The following IGF1R variants were observed in gnomAD, a reference collection of about 807,000 sequenced individuals.
IGF1R encodes the protein insulin-like growth factor 1 receptor.
Under a neutral mutation model 144.6 loss-of-function variants are expected in IGF1R, and 44 were observed. That is an observed-to-expected ratio of 0.30 (90% confidence interval 0.24 to 0.39). The LOEUF is 0.39. IGF1R is among the 10% of genes least tolerant of loss of function. IGF1R has a pLI of 1.00. For missense variants in IGF1R, 1,355 were observed against 1,833.7 expected (o/e 0.74, Z 4.77); for synonymous variants, 795 against 722.8 (o/e 1.10, Z -1.60).
At position 98,934,908 on chromosome 15, in the gene IGF1R, A is replaced by G. The variant is rs202164991; in HGVS notation, c.3041A>G (p.Tyr1014Cys). The part of the protein sequence containing the change: ...ELGQGSFGMV[Y>C]EGVAKGVVKD... Reference sequence around the variant, plus strand: ...GGGCAGGGGTCGTTTGGGATGGTCTATGAAGGAGTTGCCAAGGGTGTGGTG... The same window carrying G: ...GGGCAGGGGTCGTTTGGGATGGTCTGTGAAGGAGTTGCCAAGGGTGTGGTG... The change falls in exon 16 of 21, where the codon TAT becomes TGT. Residue 1014 changes from tyrosine (Y) to cysteine (C), a missense_variant. By Grantham distance (194) the Tyr-to-Cys change is radical (BLOSUM62 -2). Coordinates refer to ENST00000650285, the MANE Select transcript of IGF1R (RefSeq NM_000875.5). The G allele has an allele frequency of 1.3e-5, 21 of 1,614,042 alleles. No homozygotes were observed. Among genetic ancestry groups the G allele is most frequent in the African/African-American group, 4.0e-5 (3 of 74,916 alleles).
chr15:98,838,716 T>G (rs2011127872), intron 2 of IGF1R, among the ~76,000 whole-genome samples: 1 of 152,116 alleles, frequency 6.6e-6, no homozygotes, highest in African/African-American at 2.4e-5. Flanking sequence ...CTTTAGAGCC[T>G]CAGAAATGGA....
chr15:98,858,519 TCC>T (rs1301006691), intron 2 of IGF1R, among the ~76,000 whole-genome samples: 2 of 152,156 alleles, frequency 1.3e-5, no homozygotes, highest in African/African-American at 4.8e-5. Flanking sequence ...ATCCTCCCTC[TCC>T]CCTCTTGAAA....
chr15:98,693,605 C>A (rs1028777639), intron 1 of IGF1R, among the ~76,000 whole-genome samples: 4 of 152,132 alleles, frequency 2.6e-5, no homozygotes, highest in Admixed American at 2.6e-4. Flanking sequence ...CGAATGACCT[C>A]CTGTTTTGTT....
intron 2 of IGF1R, among the ~76,000 whole-genome samples, chr15:98,789,898 GTC>G (rs140307309): frequency 0.03 from 4,550 of 152,176 alleles, 214 homozygotes; most frequent in African/African-American, 0.1. Flanking sequence ...ATAAAAGCAA[GTC>G]TCTGCCCTGA....
At position 98,650,955 on chromosome 15, in the gene IGF1R, G is replaced by C. The variant is rs546381676; in HGVS notation, c.94+1280G>C. 26 of 985,092 alleles carry C rather than the reference G, an allele frequency of 2.6e-5. No individual in the cohort carries two copies. The African/African-American group carries it at 2.8e-4, about 11-fold the overall frequency. 61.0% of individuals were successfully genotyped at this position (985,092 alleles called of 1,614,324 possible). On this transcript the variant is annotated intron_variant, in intron 1 of 20. Coordinates refer to ENST00000650285, the MANE Select transcript of IGF1R (RefSeq NM_000875.5). ...CGGTGTCTACGGCCGGAGGAGGTGG[G>C]GGTTTTATTCTTCTGAAAAAGTTGA...
Position 98,891,057 on chromosome 15 carries a change from A to G in IGF1R, c.641-268A>G, listed in dbSNP as rs1748937661. Among the ~76,000 whole-genome samples the G allele has an allele frequency of 6.6e-6, 1 of 152,220 alleles. No individual in the cohort carries two copies. Among genetic ancestry groups the G allele is most frequent in the Non-Finnish European group, 1.5e-5 (1 of 68,020 alleles). On this transcript the variant is annotated intron_variant, in intron 2 of 20. Coordinates refer to ENST00000650285, the MANE Select transcript of IGF1R (RefSeq NM_000875.5). The surrounding 1 kb of genome is among the most constrained non-coding windows in gnomAD (Gnocchi z 4.7). ...ACAGATGGGAAGAGAGAGGATCAAG[A>G]TCACAGAAGCTAATGGTTTGTCCCA...
At chr15:98,794,716 A>T (rs1159012981) in intron 2 of IGF1R, among the ~76,000 whole-genome samples, 1 of 152,206 alleles carries the variant, frequency 6.6e-6, no homozygotes, top group Non-Finnish European at 1.5e-5. Flanking sequence ...ATCAGTAATG[A>T]GTTTCAAAAT....
At chr15:98,806,461 T>A (rs1317838658) in intron 2 of IGF1R, among the ~76,000 whole-genome samples, 1 of 151,792 alleles carries the variant, frequency 6.6e-6, no homozygotes, top group African/African-American at 2.4e-5. Context: ...GTGCCTTCAC[T>A]CCCATCCTTT....
chr15:98,714,030 G>C (rs1251367224), intron 2 of IGF1R, among the ~76,000 whole-genome samples: 1 of 152,132 alleles, frequency 6.6e-6, no homozygotes, highest in Non-Finnish European at 1.5e-5. Flanking sequence ...ATTTCCTATT[G>C]CCCTCAAAAT....
chr15:98,948,506 G>T, intron 19 of IGF1R, 68 bp from the exon 20 acceptor site: 1 of 1,526,766 alleles, frequency 6.5e-7, no homozygotes. Context: ...AGAAGTGCTG[G>T]AAAGGAGGGG....
intron 2 of IGF1R, among the ~76,000 whole-genome samples, chr15:98,766,584 A>G (rs549678954): frequency 6.6e-6 from 1 of 152,204 alleles, no homozygotes; most frequent in Non-Finnish European, 1.5e-5. Context: ...GGATTGGATA[A>G]TGTATTTATT....
In IGF1R at chr15:98,960,024, C is replaced by G. The variant is rs562113706; in HGVS notation, c.*2582C>G. 8 of 233,136 alleles carry G rather than the reference C, an allele frequency of 3.4e-5. No individual in the cohort carries two copies. The highest frequency in any genetic ancestry group is 1.8e-4 in the South Asian group (1 of 5,498). The allele number at this position is 233,136 out of a possible 1,614,324, so 14.4% of individuals were successfully genotyped here. On this transcript the variant is annotated 3_prime_UTR_variant, in exon 21 of 21. Coordinates refer to ENST00000650285, the MANE Select transcript of IGF1R (RefSeq NM_000875.5). ...TGTGTGTGAGAGTGATGGGACAGTT[C>G]TTGATTTTTTGGGTTTTTTTTCCCC...
intron 2 of IGF1R, among the ~76,000 whole-genome samples, chr15:98,799,760 T>A (rs2141432728): frequency 6.6e-6 from 1 of 152,240 alleles, no homozygotes; most frequent in South Asian, 2.1e-4. Flanking sequence ...ATCGTGGTGT[T>A]AAATTTGGTA....
chr15:98,919,243 C>T (rs553665970), intron 10 of IGF1R, among the ~76,000 whole-genome samples: 1 of 152,230 alleles, frequency 6.6e-6, no homozygotes, highest in African/African-American at 2.4e-5. Flanking sequence ...TTCTCGTGGT[C>T]CTTTCCACCT....
intron 19 of IGF1R, among the ~76,000 whole-genome samples, chr15:98,944,144 C>G (rs2016466361): frequency 6.6e-6 from 1 of 152,156 alleles, no homozygotes; most frequent in South Asian, 2.1e-4. Flanking sequence ...TCTGTTTATT[C>G]TAGGCTTCGT....
intron 2 of IGF1R, among the ~76,000 whole-genome samples, chr15:98,884,094 A>T (rs1471030665): frequency 6.6e-6 from 1 of 152,142 alleles, no homozygotes; most frequent in Non-Finnish European, 1.5e-5. Context: ...CTTTTAAAGG[A>T]ATGGGGGTAT....
chr15:98,955,228 G>A (rs2016931859), intron 20 of IGF1R, among the ~76,000 whole-genome samples: 1 of 152,116 alleles, frequency 6.6e-6, no homozygotes. Flanking sequence ...TCTACCGTGG[G>A]GTAGACTTTT....
chr15:98,769,724 A>T (rs2055536843), intron 2 of IGF1R, among the ~76,000 whole-genome samples: 1 of 152,202 alleles, frequency 6.6e-6, no homozygotes, highest in African/African-American at 2.4e-5. Flanking sequence ...TCCGTTGTAC[A>T]TTGTTGACAT....
At chr15:98,701,585 C>T (rs539530318) in intron 1 of IGF1R, among the ~76,000 whole-genome samples, 24 of 152,016 alleles carry the variant, frequency 1.6e-4, no homozygotes, top group Non-Finnish European at 2.5e-4. Flanking sequence ...GTGATCCTAC[C>T]GCCTCGGCCT....
Sources: gnomAD v4.1 joint callset for allele counts (sites outside exome capture counted in the v4.1 genomes callset) on GRCh38, gnomAD v4.1.1 for gene constraint, Gnocchi (gnomAD v3.1) non-coding constraint, MANE v1.5 for transcripts, NCBI Gene and HGNC (gene_info 2026-07-23, HGNC 2026-07-21) for gene names.